GRM7: variants seen among roughly 807,000 people sequenced by gnomAD.
GRM7 encodes the protein metabotropic glutamate receptor 7.
GRM7 carries 35 observed loss-of-function variants against 84.5 expected under a neutral mutation model. That is an observed-to-expected ratio of 0.41 (90% CI 0.32 to 0.55). The LOEUF is 0.55. GRM7 is among the 20% of genes least tolerant of loss of function. The pLI, the probability that GRM7 is intolerant of heterozygous loss-of-function variation, is 0.19. For synonymous variants in GRM7, 487 were observed against 455.1 expected (o/e 1.07, Z -0.89); for missense variants, 1,003 against 1,194.6 (o/e 0.84, Z 2.36).
intron 2 of GRM7, among the ~76,000 whole-genome samples, chr3:7,236,469 T>A (rs1697353540): frequency 6.6e-6 from 1 of 152,206 alleles, no homozygotes; most frequent in Non-Finnish European, 1.5e-5. Flanking sequence ...ACTTGACAGC[T>A]CCTTCCATCA....
intron 2 of GRM7, among the ~76,000 whole-genome samples, chr3:7,168,419 C>G (rs1372302893): frequency 6.6e-6 from 1 of 152,040 alleles, no homozygotes; most frequent in East Asian, 1.9e-4. Context: ...TCGGGACTTC[C>G]TGATGACATG....
chr3:7,070,504 A>G (rs183067191), intron 1 of GRM7, among the ~76,000 whole-genome samples: 1 of 152,266 alleles, frequency 6.6e-6, no homozygotes, highest in East Asian at 1.9e-4. Context: ...GGGTAATGGC[A>G]GTTTTCAAAT....
chr3:7,398,906 A>C lies in GRM7; in HGVS notation c.1034-16117A>C, dbSNP rs36098016. On this transcript the variant is annotated intron_variant, in intron 4 of 9. Transcript: ENST00000357716. ...CCTCCCTCTTTCTACTTCTCTGACAATTCCTTTCTATCTCCATTGATGGCT... is the reference window on the plus strand; with the variant it reads ...CCTCCCTCTTTCTACTTCTCTGACACTTCCTTTCTATCTCCATTGATGGCT... Among the ~76,000 whole-genome samples the C allele has an allele frequency of 5.1e-4, 78 of 151,652 alleles. 1 individual carries two copies. Among genetic ancestry groups the C allele is most frequent in the African/African-American group, 1.7e-3 (72 of 41,340 alleles).
At chr3:7,603,913 G>A (rs1034112371) in intron 8 of GRM7, among the ~76,000 whole-genome samples, 5 of 152,106 alleles carry the variant, frequency 3.3e-5, no homozygotes, top group African/African-American at 4.8e-5. Flanking sequence ...AATAAAGAAC[G>A]CTGAAATGGA....
intron 9 of GRM7, among the ~76,000 whole-genome samples, chr3:7,737,065 C>T (rs950858787): frequency 5.9e-5 from 9 of 152,034 alleles, no homozygotes; most frequent in Admixed American, 1.3e-4. Flanking sequence ...CTGGGTTACG[C>T]GTGTTCCATA....
intron 4 of GRM7, among the ~76,000 whole-genome samples, chr3:7,400,507 A>G (rs1045967922): frequency 6.6e-6 from 1 of 152,132 alleles, no homozygotes; most frequent in African/African-American, 2.4e-5. Flanking sequence ...CACCCATTGT[A>G]GTCAAATCAG....
intron 1 of GRM7, among the ~76,000 whole-genome samples, chr3:6,932,312 T>A (rs894058639): frequency 7.7e-4 from 117 of 152,332 alleles, no homozygotes; most frequent in African/African-American, 2.7e-3. Context: ...TATCCTGCTT[T>A]GTACTTGATA....
At chr3:6,949,469 C>T (rs1335644071) in intron 1 of GRM7, among the ~76,000 whole-genome samples, 1 of 152,088 alleles carries the variant, frequency 6.6e-6, no homozygotes, top group Admixed American at 6.6e-5. Flanking sequence ...CCCGACCTTT[C>T]TCTCTGGTTG....
At chr3:7,279,000 T>C (rs1157850917) in intron 2 of GRM7, among the ~76,000 whole-genome samples, 1 of 152,194 alleles carries the variant, frequency 6.6e-6, no homozygotes, top group African/African-American at 2.4e-5. Context: ...GTAATTCCTT[T>C]TCAACCTTGA....
intron 1 of GRM7, among the ~76,000 whole-genome samples, chr3:7,039,481 A>T (rs1696512078): frequency 6.6e-6 from 1 of 152,246 alleles, no homozygotes; most frequent in Non-Finnish European, 1.5e-5. Flanking sequence ...GTGACAGCTT[A>T]TTCCCTTTCA....
chr3:7,183,302 G>T (rs1487909353), intron 2 of GRM7, among the ~76,000 whole-genome samples: 1 of 152,114 alleles, frequency 6.6e-6, no homozygotes, highest in Non-Finnish European at 1.5e-5. Flanking sequence ...CATGCCTTTA[G>T]CATTTGGTCA....
chr3:7,702,965 A>G (rs1341432156), intron 9 of GRM7, among the ~76,000 whole-genome samples: 1 of 152,188 alleles, frequency 6.6e-6, no homozygotes, highest in Non-Finnish European at 1.5e-5. Flanking sequence ...TAGCTAAAAT[A>G]TGGATATTCT....
chr3:6,923,954 G>A (rs1697214629), intron 1 of GRM7, among the ~76,000 whole-genome samples: 2 of 152,180 alleles, frequency 1.3e-5, no homozygotes, highest in Non-Finnish European at 2.9e-5. Context: ...AATAGTGTCA[G>A]TGGAGAAATA....
chr3:7,445,802 T>G (rs763840420), intron 5 of GRM7, among the ~76,000 whole-genome samples: 22 of 152,284 alleles, frequency 1.4e-4, no homozygotes, highest in Middle Eastern at 6.8e-3. Context: ...AATACCCAGT[T>G]GACAGAGTTA....
intron 1 of GRM7, among the ~76,000 whole-genome samples, chr3:6,963,530 CAGG>C (rs979441878): frequency 3.3e-5 from 5 of 152,154 alleles, no homozygotes; most frequent in Non-Finnish European, 7.3e-5. Context: ...GGGGCTGAAA[CAGG>C]AGAATTGCTT....
At chr3:7,432,780 GAC>G (rs1696885047) in intron 5 of GRM7, among the ~76,000 whole-genome samples, 2 of 152,104 alleles carry the variant, frequency 1.3e-5, no homozygotes, top group South Asian at 4.1e-4. Flanking sequence ...AAAAAGATTA[GAC>G]ACAGTCAAAG....
rs1213245812 is a variant in GRM7 at position 7,229,755 on chromosome 3, A to T, written c.737-68929A>T. Among the ~76,000 whole-genome samples, 160 of 28,396 alleles carry T rather than the reference A, an allele frequency of 5.6e-3. 3 individuals are homozygous for T. Among genetic ancestry groups the T allele is most frequent in the African/African-American group, 0.017 (127 of 7,272 alleles). 18.6% of individuals were successfully genotyped at this position (28,396 alleles called of 152,430 possible). Reference sequence around the variant, plus strand: ...TATATATATATATATATATATATATATATATTTTTTTTTTTTTTTGGTTGA... The same window carrying T: ...TATATATATATATATATATATATATTTATATTTTTTTTTTTTTTTGGTTGA... On this transcript the variant is annotated intron_variant, in intron 2 of 9. Transcript: ENST00000357716.
chr3:7,380,788 C>G (rs928071686), intron 4 of GRM7, among the ~76,000 whole-genome samples: 6 of 152,166 alleles, frequency 3.9e-5, no homozygotes, highest in African/African-American at 1.4e-4. Flanking sequence ...AGGTTCAGCA[C>G]TGAGAAAAGA....
At chr3:6,924,502 A>G (rs1200101800) in intron 1 of GRM7, among the ~76,000 whole-genome samples, 1 of 151,776 alleles carries the variant, frequency 6.6e-6, no homozygotes, top group Non-Finnish European at 1.5e-5. Flanking sequence ...GCACCAAGAC[A>G]TTGGTATATT....
Sources: allele counts gnomAD v4.1 joint callset (sites outside exome capture counted in the v4.1 genomes callset), GRCh38; gene constraint gnomAD v4.1.1; transcripts MANE v1.5; gene names NCBI Gene and HGNC (gene_info 2026-07-23, HGNC 2026-07-21).